Variants in ZNF407 observed in about 807,000 individuals in gnomAD.
ZNF407 encodes zinc finger protein 407.
Under a neutral mutation model 131.2 loss-of-function variants are expected in ZNF407, and 17 were observed. That is an observed-to-expected ratio of 0.13 (90% CI 0.09 to 0.19). The LOEUF (loss-of-function observed/expected upper bound fraction) is 0.19, where lower values mean the gene tolerates loss of function less well. Among genes scored for constraint, ZNF407 ranks in the 10% least tolerant of loss-of-function variants. ZNF407 has a pLI of 1.00. For missense variants in ZNF407, 2,681 were observed against 2,830.6 expected, an observed-to-expected ratio of 0.95 and a Z score of 1.20; for synonymous variants, 1,156 against 1,062.0, an observed-to-expected ratio of 1.09 and a Z score of -1.72.
intron 4 of ZNF407, among the ~76,000 whole-genome samples, chr18:74,840,200 C>A (rs1282744783): frequency 6.6e-6 from 1 of 152,154 alleles, no homozygotes; most frequent in Non-Finnish European, 1.5e-5. Context: ...CTTCTCTAGT[C>A]TCTTTTGTTG....
chr18:75,008,277 T>C (rs1972934711), intron 8 of ZNF407, among the ~76,000 whole-genome samples: 1 of 152,228 alleles, frequency 6.6e-6, no homozygotes, highest in Admixed American at 6.5e-5. Flanking sequence ...GCCATAGCCA[T>C]TCCAGTCTAA....
rs765373037 is a variant in ZNF407 at position 74,631,979 on chromosome 18, A to G, written c.960A>G (p.Leu320=). The part of the protein sequence containing the change: ...SIAKNSDSKG[L]RNVGSTFKDF... ...CAAAGAATAGTGATTCAAAAGGATT[A>G]CGAAATGTGGGAAGCACGTTTAAAG... The change falls in exon 2 of 9, where the codon TTA becomes TTG. Residue 320 remains leucine (L), a synonymous_variant. Transcript: ENST00000299687. 6.2e-7 allele frequency: 1 copy of G among 1,614,038 alleles called. No individual in the cohort carries two copies. Among genetic ancestry groups the G allele is most frequent in the Non-Finnish European group, 8.5e-7 (1 of 1,179,902 alleles).
At chr18:74,946,870 C>G (rs1373916251) in intron 8 of ZNF407, among the ~76,000 whole-genome samples, 1 of 152,176 alleles carries the variant, frequency 6.6e-6, no homozygotes, top group African/African-American at 2.4e-5. Context: ...GTGACTGTTT[C>G]AGTACATTTT....
intron 4 of ZNF407, among the ~76,000 whole-genome samples, chr18:74,850,794 G>GT (rs1970772105): frequency 6.6e-6 from 1 of 152,048 alleles, no homozygotes; most frequent in South Asian, 2.1e-4. Flanking sequence ...TTCGTGTTCC[G>GT]TATTATGTTT....
chr18:74,695,733 T>C (rs1013813461), intron 3 of ZNF407, among the ~76,000 whole-genome samples: 6 of 152,182 alleles, frequency 3.9e-5, no homozygotes, highest in African/African-American at 1.4e-4. Context: ...GAAAACACAC[T>C]TTTCCCCTTT....
In ZNF407 at chr18:75,063,383, G is replaced by A. The variant is rs751987498; in HGVS notation, c.5662G>A (p.Ala1888Thr). 7.4e-6 allele frequency: 12 copies of A among 1,610,972 alleles called. No individual in the cohort carries two copies. The highest frequency in any genetic ancestry group is 2.7e-5 in the African/African-American group (2 of 74,894). Reference sequence around the variant, plus strand: ...CCCCTCGGTGGAGGAGACGGCCGCCGCCACGCTGCAGACGCTGGCCATGGC... The same window carrying A: ...CCCCTCGGTGGAGGAGACGGCCGCCACCACGCTGCAGACGCTGGCCATGGC... ...LDPSVEETAA[A>T]TLQTLAMAGQ... The change falls in exon 9 of 9, where the codon GCC becomes ACC. Residue 1888 changes from alanine (A) to threonine (T), a missense_variant. By Grantham distance (58) the Ala-to-Thr change is moderately conservative. Transcript: ENST00000299687. This position sits in a 1 kb window ranked among gnomAD's most constrained non-coding sequence, Gnocchi z 6.6.
At chr18:74,928,203 G>C (rs1193876326) in intron 8 of ZNF407, among the ~76,000 whole-genome samples, 2 of 152,144 alleles carry the variant, frequency 1.3e-5, no homozygotes, top group Non-Finnish European at 1.5e-5. Context: ...GCCCAAAAAG[G>C]TGGGACATCT....
intron 1 of ZNF407, among the ~76,000 whole-genome samples, chr18:74,623,255 A>AGT (rs201637323): frequency 1.3e-5 from 2 of 150,322 alleles, no homozygotes; most frequent in Admixed American, 1.3e-4. Flanking sequence ...TGTGCATGTG[A>AGT]GTGTGTGTGT....
intron 3 of ZNF407, among the ~76,000 whole-genome samples, chr18:74,759,371 G>C (rs1477477228): frequency 1.3e-5 from 2 of 152,090 alleles, no homozygotes; most frequent in Admixed American, 1.3e-4. Flanking sequence ...TGGATGTTAA[G>C]ACTAATGTTT....
intron 1 of ZNF407, among the ~76,000 whole-genome samples, chr18:74,626,085 C>G (rs1344496524): frequency 1.3e-5 from 2 of 152,112 alleles, no homozygotes; most frequent in Admixed American, 1.3e-4. Flanking sequence ...ATAAAACAAC[C>G]AAATTAAGAA....
At chr18:74,792,901 T>TA (rs1568218117) in intron 4 of ZNF407, among the ~76,000 whole-genome samples, 1 of 152,212 alleles carries the variant, frequency 6.6e-6, no homozygotes, top group Admixed American at 6.5e-5. Context: ...CTCCACGTCT[T>TA]ACAGAATCTA....
At chr18:75,057,812 T>C (rs1372239388) in intron 8 of ZNF407, among the ~76,000 whole-genome samples, 2 of 152,158 alleles carry the variant, frequency 1.3e-5, no homozygotes, top group Non-Finnish European at 2.9e-5. Flanking sequence ...AGGGGAAACT[T>C]CTCTCTGTAG....
At chr18:74,823,096 T>C (rs1970363267) in intron 4 of ZNF407, among the ~76,000 whole-genome samples, 1 of 152,018 alleles carries the variant, frequency 6.6e-6, no homozygotes, top group Non-Finnish European at 1.5e-5. Flanking sequence ...AGGAATTTCA[T>C]ATCCAGCCAA....
chr18:75,019,419 T>G lies in ZNF407; in HGVS notation c.5429-43731T>G, dbSNP rs1319184626. ...TCCCCATATCCATGGTTGTGATTTCTGCAGTTTCAGTTACCTGCAGTCACA... is the reference window on the plus strand; with the variant it reads ...TCCCCATATCCATGGTTGTGATTTCGGCAGTTTCAGTTACCTGCAGTCACA... On this transcript the variant is annotated intron_variant, in intron 8 of 8. Transcript: ENST00000299687. 2.6e-5 allele frequency among the ~76,000 whole-genome samples: 4 copies of G among 152,190 alleles called. No homozygotes were observed. The South Asian group carries it at 6.2e-4, about 24-fold the overall frequency.
intron 8 of ZNF407, among the ~76,000 whole-genome samples, chr18:74,988,307 C>A (rs2120147): frequency 1.3e-5 from 2 of 151,888 alleles, no homozygotes; most frequent in South Asian, 4.2e-4. Context: ...CCTTTTGGAA[C>A]AAAACATAGG....
intron 8 of ZNF407, among the ~76,000 whole-genome samples, chr18:75,005,885 G>A (rs1159718720): frequency 6.6e-6 from 1 of 152,086 alleles, no homozygotes; most frequent in Non-Finnish European, 1.5e-5. Flanking sequence ...ACAAACCTCA[G>A]ACTTGGGAAT....
chr18:74,720,066 A>T (rs553633960), intron 3 of ZNF407, among the ~76,000 whole-genome samples: 12 of 152,050 alleles, frequency 7.9e-5, no homozygotes, highest in African/African-American at 2.4e-4. Context: ...TTTTTTTTGA[A>T]GAAGAAGAAG....
At chr18:74,856,221 C>G (rs972508212) in intron 4 of ZNF407, among the ~76,000 whole-genome samples, 17 of 152,160 alleles carry the variant, frequency 1.1e-4, no homozygotes, top group Non-Finnish European at 1.9e-4. Flanking sequence ...AACAAAGCAG[C>G]CTTCATGTAA....
At chr18:75,018,373 C>T (rs879749573) in intron 8 of ZNF407, among the ~76,000 whole-genome samples, 7 of 151,686 alleles carry the variant, frequency 4.6e-5, no homozygotes, top group Non-Finnish European at 7.4e-5. Context: ...AAATTAAAAA[C>T]TAAAAAATTA....
Sources: allele counts gnomAD v4.1 joint callset (sites outside exome capture counted in the v4.1 genomes callset), GRCh38; gene constraint gnomAD v4.1.1; non-coding constraint Gnocchi (gnomAD v3.1); transcripts MANE v1.5; gene names NCBI Gene and HGNC (gene_info 2026-07-23, HGNC 2026-07-21).